LIN52: variants seen among roughly 807,000 people sequenced by gnomAD.
LIN52 encodes protein lin-52 homolog.
In LIN52, 4 loss-of-function variants were observed where a neutral mutation model predicts 18.5. The ratio of observed to expected loss-of-function variants is 0.22; its 90% CI spans 0.11 to 0.49. The LOEUF is 0.49. LIN52 is among the 20% of genes least tolerant of loss of function. The pLI, the probability that LIN52 is intolerant of heterozygous loss-of-function variation, is 0.97. For synonymous variants in LIN52, 34 were observed against 45.5 expected (o/e 0.75, Z 1.02); for missense variants, 102 against 139.5 (o/e 0.73, Z 1.35).
At chr14:74,180,018 G>A (rs1289439796) in intron 5 of LIN52, among the ~76,000 whole-genome samples, 1 of 152,166 alleles carries the variant, frequency 6.6e-6, no homozygotes, top group Non-Finnish European at 1.5e-5. Context: ...CTGAAGTGAT[G>A]CTTATGTAGT....
intron 5 of LIN52, among the ~76,000 whole-genome samples, chr14:74,171,363 TAA>T (rs527734909): frequency 4.9e-5 from 6 of 122,920 alleles, no homozygotes; most frequent in Admixed American, 8.4e-5. Flanking sequence ...AGAGCCTGTC[TAA>T]AAAAAAAAAA....
intron 5 of LIN52, among the ~76,000 whole-genome samples, chr14:74,182,204 G>A (rs897893413): frequency 6.6e-6 from 1 of 152,132 alleles, no homozygotes; most frequent in Non-Finnish European, 1.5e-5. Flanking sequence ...TGGAGAGGGG[G>A]TTTTGCTGTG....
intron 5 of LIN52, among the ~76,000 whole-genome samples, chr14:74,145,459 CT>C (rs1197521418): frequency 1.2e-4 from 18 of 152,208 alleles, no homozygotes; most frequent in African/African-American, 4.3e-4. Flanking sequence ...TGTAGATCAC[CT>C]GATTTGTAGT....
chr14:74,103,751 T>G lies in LIN52; in HGVS notation c.283+2513T>G, dbSNP rs1052996288. On this transcript the variant is annotated intron_variant, in intron 5 of 5. Coordinates refer to ENST00000555028, the MANE Select transcript of LIN52 (RefSeq NM_001024674.3). Reference sequence around the variant, plus strand: ...CTGGCCAGTTTTTTTTTTTTTTTTTTTTTTTTTTTTTTTTTTTTAAGAGAC... The same window carrying G: ...CTGGCCAGTTTTTTTTTTTTTTTTTGTTTTTTTTTTTTTTTTTTAAGAGAC... Among the ~76,000 whole-genome samples the G allele has an allele frequency of 1.4e-4, 19 of 140,318 alleles. No individual in the cohort carries two copies. In the South Asian group the frequency reaches 3.7e-3, roughly 27 times the overall value. 92.1% of individuals were successfully genotyped at this position (140,318 alleles called of 152,430 possible). A position where few individuals can be genotyped will look rare whatever the true frequency, so the allele number is the denominator to read the frequency against.
intron 5 of LIN52, among the ~76,000 whole-genome samples, chr14:74,170,122 G>A (rs907228266): frequency 5.3e-5 from 8 of 152,214 alleles, no homozygotes; most frequent in Admixed American, 5.2e-4. Context: ...TTGAAGACCT[G>A]CTAGTTGTTC....
chr14:74,180,283 T>TTTTTA (rs2061312701), intron 5 of LIN52, among the ~76,000 whole-genome samples: 1 of 134,616 alleles, frequency 7.4e-6, no homozygotes, highest in Non-Finnish European at 1.6e-5. Context: ...TTTTTTTTTT[T>TTTTTA]GAGACGGAGC....
chr14:74,099,122 A>T (rs1272584303), intron 4 of LIN52, among the ~76,000 whole-genome samples: 2 of 152,192 alleles, frequency 1.3e-5, no homozygotes, highest in African/African-American at 2.4e-5. Context: ...TATTTATTTT[A>T]TCATCCTTCT....
chr14:74,136,817 A>G (rs2061100470), intron 5 of LIN52, among the ~76,000 whole-genome samples: 1 of 152,138 alleles, frequency 6.6e-6, no homozygotes. Flanking sequence ...CCCCTTAATC[A>G]GAGTGAGAAT....
chr14:74,161,328 G>A (rs1172343674), intron 5 of LIN52, among the ~76,000 whole-genome samples: 1 of 152,136 alleles, frequency 6.6e-6, no homozygotes, highest in East Asian at 1.9e-4. Context: ...TGGGACTACA[G>A]GCATGCACCA....
chr14:74,152,925 C>CCTCCA (rs1248590545), intron 5 of LIN52, among the ~76,000 whole-genome samples: 3 of 147,100 alleles, frequency 2.0e-5, no homozygotes, highest in Non-Finnish European at 4.5e-5. Flanking sequence ...GCACCACTGC[C>CCTCCA]CTCCAGCTGG....
intron 5 of LIN52, among the ~76,000 whole-genome samples, chr14:74,139,161 C>T (rs2061115147): frequency 6.6e-6 from 1 of 152,192 alleles, no homozygotes; most frequent in South Asian, 2.1e-4. Flanking sequence ...TCTTTTTAAG[C>T]AGCCTTCCTG....
intron 5 of LIN52, among the ~76,000 whole-genome samples, chr14:74,148,560 A>G (rs1247992762): frequency 6.6e-6 from 1 of 152,222 alleles, no homozygotes; most frequent in East Asian, 1.9e-4. Context: ...TGGGATATAA[A>G]CGAACAACAA....
chr14:74,177,102 C>T (rs2061297690), intron 5 of LIN52, among the ~76,000 whole-genome samples: 1 of 151,916 alleles, frequency 6.6e-6, no homozygotes, highest in Non-Finnish European at 1.5e-5. Context: ...GGGTTCAAGC[C>T]ATTCTCCTGC....
At chr14:74,137,067 T>G (rs1225672175) in intron 5 of LIN52, among the ~76,000 whole-genome samples, 1 of 151,756 alleles carries the variant, frequency 6.6e-6, no homozygotes, top group Non-Finnish European at 1.5e-5. Context: ...AGAAAAGTCA[T>G]TAAGTCTTCT....
intron 5 of LIN52, among the ~76,000 whole-genome samples, chr14:74,114,561 C>T (rs2060951980): frequency 6.6e-6 from 1 of 152,110 alleles, no homozygotes; most frequent in Non-Finnish European, 1.5e-5. Flanking sequence ...TAATTAATGA[C>T]AGGGAAGTCA....
intron 5 of LIN52, among the ~76,000 whole-genome samples, chr14:74,158,119 A>ATT (rs373987542): frequency 0.18 from 20,366 of 111,884 alleles, 1,899 homozygotes; most frequent in African/African-American, 0.3. Context: ...ATATATATAT[A>ATT]TATATATTTT....
chr14:74,143,279 G>A (rs2139955534), intron 5 of LIN52, among the ~76,000 whole-genome samples: 1 of 152,256 alleles, frequency 6.6e-6, no homozygotes, highest in African/African-American at 2.4e-5. Context: ...CCTGGGCATA[G>A]TGGCTTATGC....
intron 5 of LIN52, among the ~76,000 whole-genome samples, chr14:74,139,545 C>T (rs1361036906): frequency 5.3e-5 from 8 of 151,644 alleles, no homozygotes; most frequent in African/African-American, 1.7e-4. Flanking sequence ...CTTTTTTTTT[C>T]CCCCTCCCTT....
chr14:74,112,030 G>A (rs1468664006), intron 5 of LIN52, among the ~76,000 whole-genome samples: 1 of 151,884 alleles, frequency 6.6e-6, no homozygotes, highest in Non-Finnish European at 1.5e-5. Flanking sequence ...ACAGGCATAC[G>A]CCACCACGCC....
Sources: gnomAD v4.1 joint callset for allele counts (sites outside exome capture counted in the v4.1 genomes callset) on GRCh38, gnomAD v4.1.1 for gene constraint, MANE v1.5 for transcripts, NCBI Gene and HGNC (gene_info 2026-07-23, HGNC 2026-07-21) for gene names.